Variants in LPP observed in about 807,000 individuals in gnomAD.
LPP encodes lipoma-preferred partner.
A neutral mutation model predicts 60.4 loss-of-function variants in LPP; 38 were observed. The ratio of observed to expected loss-of-function variants is 0.63; its 90% confidence interval spans 0.49 to 0.83. The LOEUF is 0.83. Among genes scored for constraint, LPP ranks in the 40% least tolerant of loss-of-function variants. The pLI, the probability that LPP is intolerant of heterozygous loss-of-function variation, is 0.00. For missense variants in LPP, 902 were observed against 783.6 expected (o/e 1.15, Z -1.80); for synonymous variants, 328 against 290.8 (o/e 1.13, Z -1.30).
chr3:188,482,410 A>T (rs549446622), intron 4 of LPP, among the ~76,000 whole-genome samples: 4 of 152,230 alleles, frequency 2.6e-5, no homozygotes, highest in Non-Finnish European at 4.4e-5. Flanking sequence ...TTTCATACAT[A>T]TGACCTTTAA....
intron 2 of LPP, among the ~76,000 whole-genome samples, chr3:188,307,973 G>A (rs1455732636): frequency 1.3e-5 from 2 of 152,058 alleles, no homozygotes; most frequent in African/African-American, 2.4e-5. Flanking sequence ...GTGTAATTTC[G>A]GGAACGGGTA....
chr3:188,623,605 A>C (rs1846229710), intron 7 of LPP, among the ~76,000 whole-genome samples: 1 of 152,164 alleles, frequency 6.6e-6, no homozygotes, highest in Non-Finnish European at 1.5e-5. Context: ...GAAACTGAGA[A>C]AGGGAAAAAA....
chr3:188,474,153 A>T (rs546711670), intron 4 of LPP, among the ~76,000 whole-genome samples: 2 of 152,330 alleles, frequency 1.3e-5, no homozygotes, highest in Non-Finnish European at 2.9e-5. Flanking sequence ...TAATATAGGT[A>T]GTTTTGTACC....
At chr3:188,442,130 T>C (rs879526848) in intron 4 of LPP, among the ~76,000 whole-genome samples, 6 of 152,324 alleles carry the variant, frequency 3.9e-5, no homozygotes, top group Non-Finnish European at 8.8e-5. Flanking sequence ...ATTTATTTAT[T>C]TTTATTATTA....
At chr3:188,813,169 G>A (rs889157288) in intron 9 of LPP, among the ~76,000 whole-genome samples, 1 of 152,076 alleles carries the variant, frequency 6.6e-6, no homozygotes, top group Non-Finnish European at 1.5e-5. Flanking sequence ...AATGGTCTTT[G>A]AATAATATAA....
rs1337119068 is a variant in LPP at position 188,876,578 on chromosome 3, CACTG to C, written c.*2103_*2106del. On this transcript the variant is annotated 3_prime_UTR_variant, in exon 12 of 12. Transcript: ENST00000617246. ...AGACCATGCTGATGACCTCAAGTAG[CACTG>C]ACTATTTGACAATAGGGCTGATAAT... The C allele has an allele frequency of 4.9e-6, 1 of 204,872 alleles. No individual in the cohort carries two copies. The highest frequency in any genetic ancestry group is 6.0e-5 in the Admixed American group (1 of 16,764). 12.7% of individuals were successfully genotyped at this position (204,872 alleles called of 1,614,324 possible). A position where few individuals can be genotyped will look rare whatever the true frequency, so the allele number is the denominator to read the frequency against.
At chr3:188,715,921 G>A (rs1453744754) in intron 8 of LPP, among the ~76,000 whole-genome samples, 1 of 152,160 alleles carries the variant, frequency 6.6e-6, no homozygotes, top group African/African-American at 2.4e-5. Flanking sequence ...GGATGGACTG[G>A]AAATATCTGA....
intron 3 of LPP, among the ~76,000 whole-genome samples, chr3:188,360,504 C>T (rs1004512135): frequency 6.6e-6 from 1 of 151,966 alleles, no homozygotes; most frequent in Non-Finnish European, 1.5e-5. Context: ...CATATGATAT[C>T]CTGTCTGAAT....
chr3:188,469,603 A>G (rs1156461534), intron 4 of LPP, among the ~76,000 whole-genome samples: 2 of 152,070 alleles, frequency 1.3e-5, no homozygotes, highest in Non-Finnish European at 2.9e-5. Context: ...CCTTTCCAAG[A>G]TTTTTAAACA....
chr3:188,674,188 G>T (rs1363982597), intron 7 of LPP, among the ~76,000 whole-genome samples: 1 of 151,960 alleles, frequency 6.6e-6, no homozygotes, highest in Non-Finnish European at 1.5e-5. Flanking sequence ...GTACACTCTG[G>T]GATACTAGGG....
At chr3:188,862,769 AAG>A (rs140796448) in intron 9 of LPP, among the ~76,000 whole-genome samples, 14,548 of 146,578 alleles carry the variant, frequency 0.099, 958 homozygotes, top group Middle Eastern at 0.16. Context: ...AAGAAAAAGA[AAG>A]AGAGAGAGAG....
intron 5 of LPP, 52 bp downstream of exon 5, chr3:188,484,756 G>C: frequency 7.4e-7 from 1 of 1,353,998 alleles, no homozygotes; most frequent in Non-Finnish European, 1.1e-6. Context: ...TTAAAGTCAT[G>C]TTTATAAGCC....
At chr3:188,795,409 T>C (rs1308766613) in intron 9 of LPP, among the ~76,000 whole-genome samples, 1 of 152,174 alleles carries the variant, frequency 6.6e-6, no homozygotes, top group Non-Finnish European at 1.5e-5. Flanking sequence ...TCTTATTCCA[T>C]CCAGTGGTTC....
intron 6 of LPP, among the ~76,000 whole-genome samples, chr3:188,578,788 G>C (rs371319038): frequency 6.6e-6 from 1 of 152,068 alleles, no homozygotes; most frequent in African/African-American, 2.4e-5. Flanking sequence ...TGCATGTGCT[G>C]CTATTACACA....
intron 3 of LPP, among the ~76,000 whole-genome samples, chr3:188,356,167 A>T (rs1304346643): frequency 1.3e-5 from 2 of 152,170 alleles, no homozygotes; most frequent in Non-Finnish European, 2.9e-5. Flanking sequence ...GAACTTGGAC[A>T]CATTTTTGAA....
At chr3:188,234,014 GT>G (rs1043157168) in intron 2 of LPP, among the ~76,000 whole-genome samples, 6 of 151,974 alleles carry the variant, frequency 3.9e-5, no homozygotes, top group African/African-American at 1.4e-4. Context: ...TACTTCACTG[GT>G]TCCCACAAAT....
chr3:188,341,725 A>G lies in LPP; in HGVS notation c.-10+6A>G. 4.1e-6 allele frequency: 4 copies of G among 982,748 alleles called. No individual in the cohort carries two copies. The highest frequency in any genetic ancestry group is 4.8e-6 in the Non-Finnish European group (4 of 827,526). The allele number at this position is 982,748 out of a possible 1,614,324, so 60.9% of individuals were successfully genotyped here. On this transcript the variant is annotated splice_donor_region_variant and intron_variant, in intron 3 of 11. Coordinates refer to ENST00000617246, the MANE Select transcript of LPP (RefSeq NM_001375462.1). ...CCAGGAGCCAGCTATCTGAGGTAAG[A>G]GAGGAGGCGTGTCTTCTTGTTTATG...
chr3:188,370,249 C>A (rs1772611500), intron 3 of LPP, among the ~76,000 whole-genome samples: 1 of 152,058 alleles, frequency 6.6e-6, no homozygotes, highest in Non-Finnish European at 1.5e-5. Context: ...TAATCACAGC[C>A]CACATTTAAC....
At chr3:188,307,580 T>G (rs773921700) in intron 2 of LPP, among the ~76,000 whole-genome samples, 1 of 152,202 alleles carries the variant, frequency 6.6e-6, no homozygotes, top group Non-Finnish European at 1.5e-5. Flanking sequence ...TTTACCACAC[T>G]GGGATGTAAG....
Sources: gnomAD v4.1 joint callset for allele counts (sites outside exome capture counted in the v4.1 genomes callset) on GRCh38, gnomAD v4.1.1 for gene constraint, MANE v1.5 for transcripts, NCBI Gene and HGNC (gene_info 2026-07-23, HGNC 2026-07-21) for gene names.